The following C1orf198 variants were observed in gnomAD, a reference collection of about 807,000 sequenced individuals.
C1orf198 encodes the protein uncharacterized protein C1orf198.
Under a neutral mutation model 31.4 loss-of-function variants are expected in C1orf198, and 17 were observed. The ratio of observed to expected loss-of-function variants is 0.54; its 90% confidence interval spans 0.37 to 0.81. The LOEUF is 0.81. C1orf198 is among the 40% of genes least tolerant of loss of function. C1orf198 has a pLI of 0.00. For missense variants in C1orf198, 401 were observed against 450.3 expected (o/e 0.89, Z 0.99); for synonymous variants, 175 against 193.8 (o/e 0.90, Z 0.81).
intron 2 of C1orf198, among the ~76,000 whole-genome samples, chr1:230,854,595 G>GTCCCACGC: frequency 6.6e-6 from 1 of 152,194 alleles, no homozygotes; most frequent in East Asian, 1.9e-4. Context: ...CATCTCAATT[G>GTCCCACGC]TCCCACGCTC....
At chr1:230,846,818 A>C (rs76408800) in intron 2 of C1orf198, among the ~76,000 whole-genome samples, 1 of 151,098 alleles carries the variant, frequency 6.6e-6, no homozygotes, top group African/African-American at 2.4e-5. Context: ...AAAATCAGCC[A>C]GGCGGCCGGG....
chr1:230,868,169 C>T lies in C1orf198; in HGVS notation c.333+11G>A. The T allele has an allele frequency of 6.7e-7, 1 of 1,491,924 alleles. No individual in the cohort carries two copies. The allele number at this position is 1,491,924 out of a possible 1,614,324, so 92.4% of individuals were successfully genotyped here. ...GAGGGGAAGAGGGTCCGCGGCCAGG[C>T]CCGCACCTACCTCGTCCCCGAAGCG... On this transcript the variant is annotated intron_variant, in intron 1 of 3. Coordinates refer to ENST00000366663, the MANE Select transcript of C1orf198 (RefSeq NM_032800.3).
At chr1:230,847,798 G>C (rs971764688) in intron 2 of C1orf198, among the ~76,000 whole-genome samples, 4 of 152,196 alleles carry the variant, frequency 2.6e-5, no homozygotes, top group Non-Finnish European at 5.9e-5. Context: ...CCAACTCAGG[G>C]GACAAAGTTG....
chr1:230,867,978 G>A (rs75223948), intron 1 of C1orf198, among the ~76,000 whole-genome samples: 66 of 151,544 alleles, frequency 4.4e-4, no homozygotes, highest in African/African-American at 1.6e-3. Context: ...ACCTCTCGGC[G>A]ATCTCTTAAC....
chr1:230,868,153 A>C (rs2102996226), intron 1 of C1orf198, 27 bp downstream of exon 1: 1 of 1,358,040 alleles, frequency 7.4e-7, no homozygotes, highest in East Asian at 3.3e-5. Context: ...GGAGGGGAAG[A>C]GGGTCCGCGG....
rs536526781 is a variant in C1orf198 at position 230,851,104 on chromosome 1, T to C, written c.384+4564A>G. On this transcript the variant is annotated intron_variant, in intron 2 of 3. Transcript: ENST00000366663. ...AAGGGCCTGTGCTCATAAATGCTTA[T>C]GTATCTTCCCAAGGAGGCGTCTGGA... 6.6e-5 allele frequency among the ~76,000 whole-genome samples: 10 copies of C among 152,246 alleles called. 1 individual carries two copies. The highest frequency in any genetic ancestry group is 2.2e-4 in the African/African-American group (9 of 41,540).
intron 1 of C1orf198, among the ~76,000 whole-genome samples, chr1:230,866,067 G>A (rs1367584219): frequency 6.6e-6 from 1 of 152,150 alleles, no homozygotes. Flanking sequence ...CTATTTGGGG[G>A]TACCTCTGTT....
At position 230,855,973 on chromosome 1, in the gene C1orf198, C is replaced by T. The variant is rs573911220; in HGVS notation, c.334-255G>A. 4.6e-5 allele frequency: 60 copies of T among 1,291,572 alleles called. No individual in the cohort carries two copies. In the African/African-American group the frequency reaches 8.5e-4, roughly 18 times the overall value. The allele number at this position is 1,291,572 out of a possible 1,614,324, so 80.0% of individuals were successfully genotyped here. A position where few individuals can be genotyped will look rare whatever the true frequency, so the allele number is the denominator to read the frequency against. ...ACAACAGGGAATGCCGGTGAGGCCC[C>T]CCAATGGACTCAGACAGATGAGATG... On this transcript the variant is annotated intron_variant, in intron 1 of 3. Coordinates refer to ENST00000366663, the MANE Select transcript of C1orf198 (RefSeq NM_032800.3).
At chr1:230,852,998 C>G (rs371957165) in intron 2 of C1orf198, among the ~76,000 whole-genome samples, 4 of 152,190 alleles carry the variant, frequency 2.6e-5, no homozygotes, top group East Asian at 1.9e-4. Context: ...CTCTCCACCT[C>G]TGTGTGAAGA....
chr1:230,854,750 A>G (rs1669832237), intron 2 of C1orf198, among the ~76,000 whole-genome samples: 1 of 152,166 alleles, frequency 6.6e-6, no homozygotes, highest in Non-Finnish European at 1.5e-5. Flanking sequence ...AGTCGCCAAC[A>G]TGAGGGCCTC....
At chr1:230,845,543 G>A (rs1419015564) in intron 2 of C1orf198, among the ~76,000 whole-genome samples, 9 of 152,060 alleles carry the variant, frequency 5.9e-5, no homozygotes, top group African/African-American at 1.5e-4. Context: ...TTAGCCAGGC[G>A]TGGTGGCAGG....
At chr1:230,865,608 T>C (rs907381007) in intron 1 of C1orf198, among the ~76,000 whole-genome samples, 10 of 152,176 alleles carry the variant, frequency 6.6e-5, no homozygotes, top group African/African-American at 2.4e-4. Flanking sequence ...AGAACCAGGT[T>C]AAGTCATCAA....
chr1:230,859,990 A>G (rs1669973515), intron 1 of C1orf198, among the ~76,000 whole-genome samples: 1 of 152,178 alleles, frequency 6.6e-6, no homozygotes, highest in South Asian at 2.1e-4. Context: ...GGAGGCTGCA[A>G]GGCTGCAACC....
intron 1 of C1orf198, among the ~76,000 whole-genome samples, chr1:230,861,288 G>C (rs796585439): frequency 1.3e-5 from 2 of 152,304 alleles, no homozygotes; most frequent in Admixed American, 1.3e-4. Context: ...GCATATGCAC[G>C]TCTGTGTGTA....
intron 3 of C1orf198, among the ~76,000 whole-genome samples, chr1:230,842,479 A>T (rs902897928): frequency 6.6e-6 from 1 of 152,184 alleles, no homozygotes; most frequent in African/African-American, 2.4e-5. Flanking sequence ...TTCTAAGTGA[A>T]GTAACTCAGG....
intron 2 of C1orf198, among the ~76,000 whole-genome samples, chr1:230,850,544 T>C (rs770974554): frequency 6.6e-6 from 1 of 152,090 alleles, no homozygotes; most frequent in Non-Finnish European, 1.5e-5. Flanking sequence ...GCCTGTGGGA[T>C]GGCAGTGCAG....
chr1:230,855,809 T>C, intron 1 of C1orf198, 91 bp from the exon 2 acceptor site: 1 of 1,540,744 alleles, frequency 6.5e-7, no homozygotes, highest in Non-Finnish European at 8.8e-7. Context: ...AACCAAAACT[T>C]AGGAATAATC....
At chr1:230,866,911 T>G (rs1670133383) in intron 1 of C1orf198, among the ~76,000 whole-genome samples, 1 of 152,218 alleles carries the variant, frequency 6.6e-6, no homozygotes, top group Non-Finnish European at 1.5e-5. Flanking sequence ...AGTAGAGAAT[T>G]TCCTTTTGAT....
At chr1:230,853,751 T>C (rs1044947233) in intron 2 of C1orf198, among the ~76,000 whole-genome samples, 1 of 152,224 alleles carries the variant, frequency 6.6e-6, no homozygotes, top group Non-Finnish European at 1.5e-5. Context: ...CAATTTCTGA[T>C]GGGTGACACA....
Sources: gnomAD v4.1 joint callset for allele counts (sites outside exome capture counted in the v4.1 genomes callset) on GRCh38, gnomAD v4.1.1 for gene constraint, MANE v1.5 for transcripts, NCBI Gene and HGNC (gene_info 2026-07-23, HGNC 2026-07-21) for gene names.